The following GLYATL3 variants were observed in gnomAD, a reference collection of about 807,000 sequenced individuals.
The protein encoded by GLYATL3 is glycine-N-acyltransferase like 3, also known as glycine N-acyltransferase-like protein 3.
A neutral mutation model predicts 28.5 loss-of-function variants in GLYATL3; 31 were observed. The ratio of observed to expected loss-of-function variants is 1.09; its 90% CI spans 0.82 to 1.47. The LOEUF (loss-of-function observed/expected upper bound fraction) is 1.47. Among genes scored for constraint, GLYATL3 ranks in the 40% most tolerant of loss-of-function variants. The pLI is 0.00. For missense variants in GLYATL3, 369 were observed against 351.5 expected (o/e 1.05, Z -0.40); for synonymous variants, 141 against 140.2 (o/e 1.01, Z -0.04).
At chr6:49,523,436 A>G (rs1221741526) in intron 5 of GLYATL3, among the ~76,000 whole-genome samples, 1 of 152,236 alleles carries the variant, frequency 6.6e-6, no homozygotes, top group Non-Finnish European at 1.5e-5. Flanking sequence ...TGCCTAGCAC[A>G]GACTGATTTC....
chr6:49,505,238 A>G (rs1768989994), intron 1 of GLYATL3, among the ~76,000 whole-genome samples: 1 of 152,212 alleles, frequency 6.6e-6, no homozygotes, highest in South Asian at 2.1e-4. Context: ...GGGTGGTTTC[A>G]GTTTCTGACA....
At chr6:49,501,113 C>T (rs1250544164) in intron 1 of GLYATL3, among the ~76,000 whole-genome samples, 2 of 152,044 alleles carry the variant, frequency 1.3e-5, no homozygotes, top group Non-Finnish European at 2.9e-5. Flanking sequence ...TATTAAGAAG[C>T]TGGAGGCCAG....
chr6:49,514,398 A>G (rs1196238174), intron 2 of GLYATL3, among the ~76,000 whole-genome samples: 1 of 152,246 alleles, frequency 6.6e-6, no homozygotes, highest in Non-Finnish European at 1.5e-5. Flanking sequence ...TATTCATTTC[A>G]CTGTTGATGA....
Position 49,523,440 on chromosome 6 carries a change from T to C in GLYATL3, c.440+1669T>C, listed in dbSNP as rs541015273. Among the ~76,000 whole-genome samples, 285 of 152,328 alleles carry C rather than the reference T, an allele frequency of 1.9e-3. 1 individual carries two copies. The highest frequency in any genetic ancestry group is 6.1e-3 in the African/African-American group (253 of 41,574). The stretch of plus-strand genomic sequence containing the variant: ...GCAGCATCCTCTGCCTAGCACAGAC[T>C]GATTTCCTAGACTCGCAGAAGGAAA... On this transcript the variant is annotated intron_variant, in intron 5 of 5. Transcript: ENST00000371197.
chr6:49,521,056 C>T (rs1367915598), intron 4 of GLYATL3, among the ~76,000 whole-genome samples: 3 of 152,024 alleles, frequency 2.0e-5, no homozygotes, highest in Admixed American at 2.0e-4. Context: ...TTTTTGTGTA[C>T]CACTATGAAC....
intron 1 of GLYATL3, among the ~76,000 whole-genome samples, chr6:49,502,771 C>A (rs1047228486): frequency 6.6e-6 from 1 of 152,094 alleles, no homozygotes; most frequent in Non-Finnish European, 1.5e-5. Context: ...ATTATTACTG[C>A]AATTAATGTA....
At chr6:49,516,198 C>T (rs768741313) in intron 3 of GLYATL3, among the ~76,000 whole-genome samples, 3 of 152,146 alleles carry the variant, frequency 2.0e-5, no homozygotes, top group Middle Eastern at 3.4e-3. Flanking sequence ...CCGTCTACCT[C>T]GGGCTCCCAA....
rs10630585 is a variant in GLYATL3 at position 49,525,093 on chromosome 6, A to ATTTTTT, written c.441-1384_441-1379dup. 2.0e-4 allele frequency among the ~76,000 whole-genome samples: 28 copies of ATTTTTT among 141,352 alleles called. 1 individual carries two copies. The highest frequency in any genetic ancestry group is 4.1e-4 in the East Asian group (2 of 4,874). 92.7% of individuals were successfully genotyped at this position (141,352 alleles called of 152,430 possible). A position where few individuals can be genotyped will look rare whatever the true frequency, so the allele number is the denominator to read the frequency against. ...AACCACAGAAGTTCTATTCTAAAACATTTTTTTTTTTTTTTTATTGAGCAA... is the reference window on the plus strand; with the variant it reads ...AACCACAGAAGTTCTATTCTAAAACATTTTTTTTTTTTTTTTTTTTTTATTGAGCAA... On this transcript the variant is annotated intron_variant, in intron 5 of 5. Transcript: ENST00000371197.
At chr6:49,515,188 G>A (rs746307087) in intron 2 of GLYATL3, among the ~76,000 whole-genome samples, 11 of 152,118 alleles carry the variant, frequency 7.2e-5, no homozygotes, top group Non-Finnish European at 1.6e-4. Flanking sequence ...GTAATTTAGG[G>A]TTGAAGAAGT....
At chr6:49,507,277 GC>G (rs1407446935) in intron 1 of GLYATL3, among the ~76,000 whole-genome samples, 1 of 152,050 alleles carries the variant, frequency 6.6e-6, no homozygotes, top group Non-Finnish European at 1.5e-5. Flanking sequence ...ATGAATAAGA[GC>G]CCAGTCAGTC....
At chr6:49,503,855 C>T (rs1413425739) in intron 1 of GLYATL3, among the ~76,000 whole-genome samples, 1 of 152,186 alleles carries the variant, frequency 6.6e-6, no homozygotes, top group Non-Finnish European at 1.5e-5. Context: ...TAATGAGAGA[C>T]ATCCATTTGT....
chr6:49,526,046 G>A (rs1332177485), intron 5 of GLYATL3, among the ~76,000 whole-genome samples: 1 of 152,196 alleles, frequency 6.6e-6, no homozygotes, highest in Non-Finnish European at 1.5e-5. Flanking sequence ...GGTAAATCGG[G>A]AATGGTGGAT....
intron 1 of GLYATL3, among the ~76,000 whole-genome samples, chr6:49,503,145 G>A (rs1561974975): frequency 6.6e-6 from 1 of 151,674 alleles, no homozygotes; most frequent in Non-Finnish European, 1.5e-5. Flanking sequence ...GGTTGTATGA[G>A]AGGTGGTGTG....
At chr6:49,503,588 A>T (rs907310718) in intron 1 of GLYATL3, among the ~76,000 whole-genome samples, 2 of 152,250 alleles carry the variant, frequency 1.3e-5, no homozygotes, top group Non-Finnish European at 2.9e-5. Context: ...GACCTTTAGG[A>T]GCCCAATCAA....
chr6:49,515,146 G>C (rs2127432686), intron 2 of GLYATL3, among the ~76,000 whole-genome samples: 1 of 151,676 alleles, frequency 6.6e-6, no homozygotes. Context: ...GTTTTAATTT[G>C]AGTTGGTGTC....
At chr6:49,507,849 C>T (rs137893851) in intron 1 of GLYATL3, among the ~76,000 whole-genome samples, 1 of 152,114 alleles carries the variant, frequency 6.6e-6, no homozygotes. Context: ...CTGAATATAC[C>T]AGCATTTCTT....
At chr6:49,509,980 TTCTTTCTTTC>T (rs1343967642) in intron 1 of GLYATL3, among the ~76,000 whole-genome samples, 1 of 148,584 alleles carries the variant, frequency 6.7e-6, no homozygotes, top group African/African-American at 2.5e-5. Context: ...CTTTCTTTCT[TTCTTTCTTTC>T]TTTCTTTCTT....
rs1025409337 is a variant in GLYATL3 at position 49,511,814 on chromosome 6, G to C, written c.-28-149G>C. 1.9e-5 allele frequency: 9 copies of C among 479,436 alleles called. No homozygotes were observed. In the East Asian group the frequency reaches 2.9e-4, roughly 15 times the overall value. The allele number at this position is 479,436 out of a possible 1,614,324, so 29.7% of individuals were successfully genotyped here. ...TGTATTCTCCGGTTTACCCATCCCAGTGCCTCCCCATCTTCCCTTTTCCCT... is the reference window on the plus strand; with the variant it reads ...TGTATTCTCCGGTTTACCCATCCCACTGCCTCCCCATCTTCCCTTTTCCCT... On this transcript the variant is annotated intron_variant, in intron 1 of 5. Transcript: ENST00000371197.
intron 3 of GLYATL3, 126 bp downstream of exon 3, chr6:49,515,886 T>G (rs1369979361): frequency 1.5e-5 from 9 of 607,870 alleles, no homozygotes; most frequent in Non-Finnish European, 2.7e-5. Context: ...ATTCATTTCT[T>G]TTCTTTCTTT....
Sources: gnomAD v4.1 joint callset for allele counts (sites outside exome capture counted in the v4.1 genomes callset) on GRCh38, gnomAD v4.1.1 for gene constraint, MANE v1.5 for transcripts, NCBI Gene and HGNC (gene_info 2026-07-23, HGNC 2026-07-21) for gene names.